Variants in TLN2 observed in about 807,000 individuals in gnomAD.
TLN2 encodes talin-2.
TLN2 carries 118 observed loss-of-function variants against 294.7 expected under a neutral mutation model. That is an observed-to-expected ratio of 0.40 (90% confidence interval 0.34 to 0.47). The LOEUF is 0.47. Among genes scored for constraint, TLN2 ranks in the 20% least tolerant of loss-of-function variants. The pLI is 0.84. For missense variants in TLN2, 3,083 were observed against 3,282.2 expected (o/e 0.94, Z 1.48); for synonymous variants, 1,431 against 1,304.5 (o/e 1.10, Z -2.09).
rs113822066 is a variant in TLN2 at position 62,683,440 on chromosome 15, T to C, written c.958-3201T>C. ...GGTAGAATGCCTGCATTCTCCCGCC[T>C]CTCATTGGTAGAATGCCTGCATTCT... On this transcript the variant is annotated intron_variant, in intron 11 of 58. Coordinates refer to ENST00000636159, the MANE Select transcript of TLN2 (RefSeq NM_015059.3). 1.1e-4 allele frequency among the ~76,000 whole-genome samples: 17 copies of C among 150,640 alleles called. No homozygotes were observed. In the East Asian group the frequency reaches 1.8e-3, roughly 16 times the overall value.
chr15:62,833,824 G>T, intron 55 of TLN2, 195 bp downstream of exon 55: 7 of 677,710 alleles, frequency 1.0e-5, no homozygotes, highest in Non-Finnish European at 1.3e-5. Flanking sequence ...TTGGCTTCTG[G>T]GCCTCTCATC....
chr15:62,672,670 AT>A (rs1381516282), intron 9 of TLN2, among the ~76,000 whole-genome samples: 1 of 152,148 alleles, frequency 6.6e-6, no homozygotes, highest in Non-Finnish European at 1.5e-5. Context: ...TCCCAGGAAC[AT>A]TTTATACATT....
chr15:62,696,552 C>G (rs1218859847), intron 14 of TLN2, among the ~76,000 whole-genome samples: 1 of 151,998 alleles, frequency 6.6e-6, no homozygotes, highest in Non-Finnish European at 1.5e-5. Flanking sequence ...ACTAAAAATA[C>G]AGAAAATTAG....
At chr15:62,532,876 C>A (rs1005836022) in intron 1 of TLN2, among the ~76,000 whole-genome samples, 1 of 152,110 alleles carries the variant, frequency 6.6e-6, no homozygotes, top group Non-Finnish European at 1.5e-5. Flanking sequence ...TGATAATTTT[C>A]ATGTAACTGT....
At chr15:62,637,514 C>A (rs1049864524) in intron 3 of TLN2, 13 of 152,224 alleles carry the variant, frequency 8.5e-5, no homozygotes. Context: ...GTATCTTCCA[C>A]ATACAGGCCA....
chr15:62,544,090 G>A (rs778323493), intron 1 of TLN2, among the ~76,000 whole-genome samples: 2 of 152,164 alleles, frequency 1.3e-5, no homozygotes, highest in Non-Finnish European at 2.9e-5. Context: ...TAGCTATCAC[G>A]CTTTGTATAA....
rs71718001 is a variant in TLN2 at position 62,565,910 on chromosome 15, C to CTGTGTGTG, written c.-237-23753_-237-23746dup. ...GTTGGATGGCTCTACTGTTTACTAG[C>CTGTGTGTG]TGTGTGTGTGTGTGTGTGTGTGTGT... On this transcript the variant is annotated intron_variant, in intron 1 of 58. Coordinates refer to ENST00000636159, the MANE Select transcript of TLN2 (RefSeq NM_015059.3). Among the ~76,000 whole-genome samples the CTGTGTGTG allele has an allele frequency of 4.0e-3, 593 of 148,486 alleles. 1 individual carries two copies. The highest frequency in any genetic ancestry group is 0.012 in the African/African-American group (482 of 40,404).
At chr15:62,812,159 C>T (rs138496664) in intron 52 of TLN2, among the ~76,000 whole-genome samples, 8 of 152,160 alleles carry the variant, frequency 5.3e-5, no homozygotes, top group African/African-American at 1.7e-4. Context: ...GAGCTCTCCC[C>T]CTATGCTCCA....
chr15:62,617,588 C>G (rs1022283025), intron 2 of TLN2, among the ~76,000 whole-genome samples: 1 of 152,194 alleles, frequency 6.6e-6, no homozygotes, highest in African/African-American at 2.4e-5. Flanking sequence ...GGTCACCACC[C>G]TGATCAGAGA....
intron 2 of TLN2, among the ~76,000 whole-genome samples, chr15:62,597,902 AGT>A (rs200542709): frequency 0.018 from 2,809 of 152,280 alleles, 43 homozygotes; most frequent in Middle Eastern, 0.031. Context: ...ATGTCACATG[AGT>A]TCAGGTGTGG....
intron 24 of TLN2, among the ~76,000 whole-genome samples, chr15:62,718,908 C>G (rs1321686438): frequency 6.6e-6 from 1 of 152,124 alleles, no homozygotes; most frequent in Non-Finnish European, 1.5e-5. Context: ...GAGAGTGGAG[C>G]AAATGACTAG....
chr15:62,724,740 C>T (rs1426716092), intron 26 of TLN2, among the ~76,000 whole-genome samples: 2 of 152,106 alleles, frequency 1.3e-5, no homozygotes, highest in African/African-American at 2.4e-5. Context: ...ACTTCCGGAA[C>T]TCTTACTATA....
chr15:62,800,309 G>C, intron 48 of TLN2, 59 bp from the exon 49 acceptor site: 1 of 1,583,914 alleles, frequency 6.3e-7, no homozygotes, highest in South Asian at 1.2e-5. Context: ...GCATGCCTTG[G>C]TAAAGCCCAC....
At chr15:62,826,717 A>AAAC (rs2068237266) in intron 54 of TLN2, among the ~76,000 whole-genome samples, 1 of 8,182 alleles carries the variant, frequency 1.2e-4, no homozygotes, top group African/African-American at 3.8e-4. Flanking sequence ...TTGCAACAAC[A>AAAC]AAAAAAAAAG....
intron 1 of TLN2, among the ~76,000 whole-genome samples, chr15:62,400,285 C>T (rs2032926201): frequency 6.6e-6 from 1 of 152,186 alleles, no homozygotes. Context: ...TTATCAATTA[C>T]CCAGTCTTGG....
At chr15:62,756,757 A>T (rs2062280655) in intron 37 of TLN2, among the ~76,000 whole-genome samples, 1 of 152,156 alleles carries the variant, frequency 6.6e-6, no homozygotes, top group African/African-American at 2.4e-5. Context: ...GTGCAATTGC[A>T]TGCAGAAATC....
chr15:62,781,095 A>G (rs1382840551), intron 43 of TLN2, 45 bp from the exon 44 acceptor site: 1 of 1,443,292 alleles, frequency 6.9e-7, no homozygotes. Context: ...TCTACACTTC[A>G]GCAGGCTTCT....
intron 32 of TLN2, among the ~76,000 whole-genome samples, chr15:62,742,265 G>C (rs1428538067): frequency 6.6e-6 from 1 of 152,076 alleles, no homozygotes; most frequent in Non-Finnish European, 1.5e-5. Context: ...GGGAGAGATG[G>C]GAGGTGGGGT....
At chr15:62,395,941 T>G (rs2032509694) in intron 1 of TLN2, among the ~76,000 whole-genome samples, 1 of 152,148 alleles carries the variant, frequency 6.6e-6, no homozygotes, top group East Asian at 1.9e-4. Context: ...GTTCAAGTGA[T>G]TCTCCTGCCT....
Sources: allele counts gnomAD v4.1 joint callset (sites outside exome capture counted in the v4.1 genomes callset), GRCh38; gene constraint gnomAD v4.1.1; transcripts MANE v1.5; gene names NCBI Gene and HGNC (gene_info 2026-07-23, HGNC 2026-07-21).